Variants in BPTF observed in about 807,000 individuals in gnomAD.
BPTF encodes nucleosome-remodeling factor subunit BPTF.
BPTF carries 18 observed loss-of-function variants against 292.5 expected under a neutral mutation model. That is an observed-to-expected ratio of 0.06 (90% CI 0.04 to 0.09). The LOEUF is 0.09. BPTF is among the 10% of genes least tolerant of loss of function. BPTF has a pLI of 1.00. For missense variants in BPTF, 2,726 were observed against 3,498.7 expected (o/e 0.78, Z 5.57); for synonymous variants, 1,225 against 1,251.9 (o/e 0.98, Z 0.45).
chr17:67,929,608 G>C (rs2064188236), intron 17 of BPTF, 121 bp downstream of exon 17: 1 of 1,209,798 alleles, frequency 8.3e-7, no homozygotes, highest in South Asian at 1.6e-5. Flanking sequence ...ATCTGTGACA[G>C]AGTACTGATT....
At chr17:67,838,165 A>G (rs531019798) in intron 1 of BPTF, among the ~76,000 whole-genome samples, 1 of 152,240 alleles carries the variant, frequency 6.6e-6, no homozygotes, top group South Asian at 2.1e-4. Context: ...GCAGCCATAG[A>G]CAATAAGTAA....
chr17:67,887,508 A>AAT (rs1188574759), intron 4 of BPTF, among the ~76,000 whole-genome samples: 2 of 152,176 alleles, frequency 1.3e-5, no homozygotes, highest in Non-Finnish European at 2.9e-5. Context: ...CCATCCCAAG[A>AAT]ATATATATAT....
chr17:67,924,445 C>CTCAATTTAAAATTTATT (rs1424755574), intron 14 of BPTF, 102 bp from the exon 15 acceptor site: 2 of 1,191,850 alleles, frequency 1.7e-6, no homozygotes, highest in Admixed American at 2.3e-5. Flanking sequence ...GAGATAATAT[C>CTCAATTTAAAATTTATT]ATACCTTTGT....
chr17:67,831,454 G>A (rs2143838389), intron 1 of BPTF, among the ~76,000 whole-genome samples: 1 of 152,316 alleles, frequency 6.6e-6, no homozygotes, highest in Non-Finnish European at 1.5e-5. Context: ...TCCTAGGTAT[G>A]CATTAATAAA....
At chr17:67,944,564 A>G (rs1331958034) in intron 20 of BPTF, 192 bp downstream of exon 20, 2 of 606,744 alleles carry the variant, frequency 3.3e-6, no homozygotes, top group African/African-American at 3.7e-5. Flanking sequence ...CCCTGTTACC[A>G]CCACCCTCTC....
rs56335701 is a variant in BPTF at position 67,843,754 on chromosome 17, C to CTTTTTTTTTTTTTTTTTTTTT, written c.614-10178_614-10158dup. On this transcript the variant is annotated intron_variant, in intron 1 of 27. Transcript: ENST00000306378. Reference sequence around the variant, plus strand: ...TTTTTAAATTGTCTGGAGCAGTTGTCTTTTTTTTTTTTTTTTTTTTTTTTT... The same window carrying CTTTTTTTTTTTTTTTTTTTTT: ...TTTTTAAATTGTCTGGAGCAGTTGTCTTTTTTTTTTTTTTTTTTTTTTTTTTTTTTTTTTTTTTTTTTTTTT... Among the ~76,000 whole-genome samples, 7 of 62,274 alleles carry CTTTTTTTTTTTTTTTTTTTTT rather than the reference C, an allele frequency of 1.1e-4. 2 individuals are homozygous for CTTTTTTTTTTTTTTTTTTTTT. Among genetic ancestry groups the CTTTTTTTTTTTTTTTTTTTTT allele is most frequent in the African/African-American group, 5.9e-4 (7 of 11,922 alleles). The allele number at this position is 62,274 out of a possible 152,430, so 40.9% of individuals were successfully genotyped here. A position where few individuals can be genotyped will look rare whatever the true frequency, so the allele number is the denominator to read the frequency against.
At chr17:67,960,357 A>G (rs1168315775) in intron 24 of BPTF, 1 of 151,886 alleles carries the variant, frequency 6.6e-6, no homozygotes, top group African/African-American at 2.4e-5. Context: ...TTTTTTTTGT[A>G]TTAAAATACT....
At chr17:67,927,348 GA>G (rs2064003625) in intron 15 of BPTF, among the ~76,000 whole-genome samples, 1 of 152,142 alleles carries the variant, frequency 6.6e-6, no homozygotes, top group African/African-American at 2.4e-5. Context: ...TAAGCTGTTA[GA>G]AAAGTTTAGC....
At position 67,854,122 on chromosome 17, in the gene BPTF, C is replaced by G. The variant is rs765443034; in HGVS notation, c.796C>G (p.Arg266Gly). ...CACTGTTTTGAGATTATCTCCTTTT[C>G]GCTTTGAGGACTTTTGTGCAGCTCT... ...FGTVLRLSPF[R>G]FEDFCAALVS... Residue 266 changes from arginine to glycine, a missense_variant, in exon 2 of 28, where the codon CGC (arginine) becomes GGC (glycine). Arg to Gly is a moderately radical substitution (Grantham distance 125, BLOSUM62 -2). Around this residue, in one of 22 missense-constraint regions of BPTF, gnomAD observed 102 missense variants for 212.6 expected, o/e 0.48. Coordinates refer to ENST00000306378, the MANE Select transcript of BPTF (RefSeq NM_182641.4). The surrounding 1 kb of genome is among the most constrained non-coding windows in gnomAD (Gnocchi z 5.6). 8 of 1,614,158 alleles carry G rather than the reference C, an allele frequency of 5.0e-6. No homozygotes were observed. The highest frequency in any genetic ancestry group is 6.8e-6 in the Non-Finnish European group (8 of 1,180,032).
chr17:67,975,092 G>A (rs74729763), intron 26 of BPTF: 6 of 152,164 alleles, frequency 3.9e-5, no homozygotes, highest in South Asian at 2.1e-4. Context: ...GATTCCAACC[G>A]TGTTAGGAGC....
At chr17:67,926,576 G>A (rs1241147683) in intron 15 of BPTF, among the ~76,000 whole-genome samples, 1 of 151,932 alleles carries the variant, frequency 6.6e-6, no homozygotes, top group African/African-American at 2.4e-5. Flanking sequence ...CGCCTGCCTT[G>A]GCCTCCCAAA....
intron 26 of BPTF, among the ~76,000 whole-genome samples, chr17:67,970,291 C>T (rs564806960): frequency 5.3e-5 from 8 of 151,740 alleles, no homozygotes; most frequent in Non-Finnish European, 8.8e-5. Flanking sequence ...GGTCCCAGCC[C>T]GAGAGACTGA....
rs563994200 is a variant in BPTF, at chr17:67,938,191, C to CT, written c.6260-2247dup. 2.6e-4 allele frequency among the ~76,000 whole-genome samples: 39 copies of CT among 152,306 alleles called. No individual in the cohort carries two copies. In the South Asian group the frequency reaches 3.3e-3, roughly 13 times the overall value. The stretch of plus-strand genomic sequence containing the variant: ...TTGATATATACCTATTGGAGATCAT[C>CT]TGGGTGGCTTATAAAAATGAATCAG... On this transcript the variant is annotated intron_variant, in intron 18 of 27. Transcript: ENST00000306378.
chr17:67,845,880 C>T (rs2057993198), intron 1 of BPTF, among the ~76,000 whole-genome samples: 1 of 151,190 alleles, frequency 6.6e-6, no homozygotes, highest in South Asian at 2.1e-4. Flanking sequence ...TTTGAGCCCA[C>T]ATTTTAGGAA....
intron 11 of BPTF, among the ~76,000 whole-genome samples, chr17:67,913,820 A>T (rs1320263120): frequency 6.6e-6 from 1 of 152,162 alleles, no homozygotes; most frequent in Non-Finnish European, 1.5e-5. Flanking sequence ...TTGTAAAATC[A>T]TGTAGTTTTA....
rs547998137 is a variant in BPTF, at chr17:67,856,988, C to T, written c.1436+2226C>T. ...GAGACACCCCTCCTTGTTATCATTG[C>T]GTTTTGAGGATTGTGTTCTCAACTT... is the stretch of plus-strand genomic sequence containing the variant. On this transcript the variant is annotated intron_variant, in intron 2 of 27. Transcript: ENST00000306378. Among the ~76,000 whole-genome samples, 9 of 151,996 alleles carry T rather than the reference C, an allele frequency of 5.9e-5. No individual in the cohort carries two copies. The East Asian group carries it at 9.7e-4, about 16-fold the overall frequency.
At chr17:67,893,107 A>C (rs2061231226) in intron 5 of BPTF, 1 of 440,698 alleles carries the variant, frequency 2.3e-6, no homozygotes, top group South Asian at 2.5e-5. Flanking sequence ...GTATTAATAC[A>C]TGAAAGCAGT....
rs954187761 is a variant in BPTF, at chr17:67,912,062, G to A, written c.4178G>A (p.Arg1393Gln). The A allele has an allele frequency of 5.0e-6, 8 of 1,610,780 alleles. No individual in the cohort carries two copies. Among genetic ancestry groups the A allele is most frequent in the Non-Finnish European group, 6.8e-6 (8 of 1,179,104 alleles). Residue 1393 changes from arginine (R) to glutamine (Q), a missense_variant, in exon 11 of 28, where the codon CGA (arginine) becomes CAA (glutamine). Arg to Gln is a conservative substitution (Grantham distance 43). Coordinates refer to ENST00000306378, the MANE Select transcript of BPTF (RefSeq NM_182641.4). ...ACTGACAAAAAGAATAATGAAAATC[G>A]AGAGTCTGAAAAGAAAGGACAGAGA... ...NTTDKKNNENRESEKKGQRTS... is the reference protein window; with the variant it reads ...NTTDKKNNENQESEKKGQRTS...
At chr17:67,832,937 G>A (rs1442744865) in intron 1 of BPTF, among the ~76,000 whole-genome samples, 2 of 150,664 alleles carry the variant, frequency 1.3e-5, no homozygotes, top group African/African-American at 4.9e-5. Context: ...ACAGGCACCT[G>A]CCACTGTGCC....
Sources: allele counts gnomAD v4.1 joint callset (sites outside exome capture counted in the v4.1 genomes callset), GRCh38; gene constraint gnomAD v4.1.1; regional missense constraint gnomAD v4.1.1; non-coding constraint Gnocchi (gnomAD v3.1); transcripts MANE v1.5; gene names NCBI Gene and HGNC (gene_info 2026-07-23, HGNC 2026-07-21).